LAMA2: variants seen among roughly 807,000 people sequenced by gnomAD.
The protein encoded by LAMA2 is laminin subunit alpha 2.
A neutral mutation model predicts 364.8 loss-of-function variants in LAMA2; 269 were observed. The observed-to-expected ratio is 0.74, with a 90% confidence interval of 0.67 to 0.82. LAMA2 has a LOEUF of 0.82. LAMA2 is among the 40% of genes least tolerant of loss of function. The probability of loss-of-function intolerance (pLI) is 0.00; values close to 1 mark genes in which losing one functional copy is unlikely to be tolerated. For missense variants in LAMA2, 3,807 were observed against 3,873.2 expected (o/e 0.98, Z 0.45); for synonymous variants, 1,379 against 1,370.6 (o/e 1.01, Z -0.14).
chr6:129,334,533 C>G (rs987397500), intron 29 of LAMA2, among the ~76,000 whole-genome samples: 1 of 151,992 alleles, frequency 6.6e-6, no homozygotes, highest in African/African-American at 2.4e-5. Flanking sequence ...GTCGAAGAAC[C>G]AATCAGTTGA....
intron 40 of LAMA2, among the ~76,000 whole-genome samples, chr6:129,424,118 T>C (rs2114734338): frequency 6.6e-6 from 1 of 151,966 alleles, no homozygotes; most frequent in South Asian, 2.1e-4. Context: ...ACAAAAGCAA[T>C]ACAAGGTATA....
At chr6:129,442,490 A>C (rs1782167913) in intron 43 of LAMA2, among the ~76,000 whole-genome samples, 1 of 152,168 alleles carries the variant, frequency 6.6e-6, no homozygotes, top group South Asian at 2.1e-4. Context: ...AAATATTACT[A>C]TCTCTGCTGC....
chr6:129,114,354 G>A (rs1180452663), intron 4 of LAMA2, among the ~76,000 whole-genome samples: 2 of 152,012 alleles, frequency 1.3e-5, no homozygotes, highest in Admixed American at 1.3e-4. Flanking sequence ...ACCCACAGCT[G>A]CAGAAATGAG....
At chr6:129,090,035 C>T (rs1026410491) in intron 3 of LAMA2, among the ~76,000 whole-genome samples, 1 of 152,108 alleles carries the variant, frequency 6.6e-6, no homozygotes, top group African/African-American at 2.4e-5. Flanking sequence ...AATGTTTGCT[C>T]CGTAAGAGCA....
intron 2 of LAMA2, among the ~76,000 whole-genome samples, chr6:129,051,205 A>T (rs1787979053): frequency 6.7e-6 from 1 of 148,190 alleles, no homozygotes; most frequent in Non-Finnish European, 1.5e-5. Flanking sequence ...TATATATATA[A>T]AATATATATA....
At chr6:129,029,502 C>T (rs1306944209) in intron 1 of LAMA2, among the ~76,000 whole-genome samples, 4 of 151,862 alleles carry the variant, frequency 2.6e-5, no homozygotes, top group Admixed American at 2.0e-4. Flanking sequence ...TACTTATAGT[C>T]AGATTGATTC....
intron 19 of LAMA2, among the ~76,000 whole-genome samples, chr6:129,288,311 C>A (rs1157027856): frequency 6.6e-6 from 1 of 151,736 alleles, no homozygotes; most frequent in Non-Finnish European, 1.5e-5. Flanking sequence ...TATTTACATG[C>A]GGAAGGAAGA....
chr6:129,398,664 A>C (rs755178842), intron 37 of LAMA2, among the ~76,000 whole-genome samples: 1 of 151,560 alleles, frequency 6.6e-6, no homozygotes, highest in Non-Finnish European at 1.5e-5. Flanking sequence ...AGTAGAGACG[A>C]GGTTTCACCA....
At chr6:128,970,656 T>C (rs996087988) in intron 1 of LAMA2, among the ~76,000 whole-genome samples, 1 of 152,220 alleles carries the variant, frequency 6.6e-6, no homozygotes, top group Non-Finnish European at 1.5e-5. Flanking sequence ...GAAAATTCAA[T>C]TGTGGAAAAT....
chr6:128,940,954 C>A (rs1244752260), intron 1 of LAMA2, among the ~76,000 whole-genome samples: 2 of 151,792 alleles, frequency 1.3e-5, no homozygotes, highest in Non-Finnish European at 1.5e-5. Context: ...CTGTCCCCCC[C>A]AAAATTTTTT....
chr6:129,210,708 G>A (rs1325577876), intron 12 of LAMA2, among the ~76,000 whole-genome samples: 2 of 152,134 alleles, frequency 1.3e-5, no homozygotes, highest in Non-Finnish European at 2.9e-5. Flanking sequence ...TTGGGAAGAG[G>A]TTATAATTTT....
At chr6:129,069,707 GAACT>G (rs1293936424) in intron 3 of LAMA2, among the ~76,000 whole-genome samples, 1 of 147,744 alleles carries the variant, frequency 6.8e-6, no homozygotes, top group Non-Finnish European at 1.5e-5. Context: ...TTAGTACATA[GAACT>G]AATATAATTG....
intron 4 of LAMA2, among the ~76,000 whole-genome samples, chr6:129,111,290 T>C (rs899567085): frequency 6.6e-6 from 1 of 152,048 alleles, no homozygotes; most frequent in Admixed American, 6.6e-5. Flanking sequence ...TCAATTCTGC[T>C]ACCTGGGTAG....
chr6:129,344,928 T>A (rs1776462208), intron 30 of LAMA2, among the ~76,000 whole-genome samples: 1 of 152,218 alleles, frequency 6.6e-6, no homozygotes, highest in Non-Finnish European at 1.5e-5. Flanking sequence ...AAGGCTTTAC[T>A]GCAAAATTGT....
chr6:128,897,168 G>A (rs927646997), intron 1 of LAMA2, among the ~76,000 whole-genome samples: 1 of 152,224 alleles, frequency 6.6e-6, no homozygotes, highest in Non-Finnish European at 1.5e-5. Flanking sequence ...AACCCTGAAA[G>A]AGTACAAATT....
chr6:129,169,111 G>T (rs930148244), intron 9 of LAMA2, among the ~76,000 whole-genome samples: 1 of 151,846 alleles, frequency 6.6e-6, no homozygotes, highest in Non-Finnish European at 1.5e-5. Flanking sequence ...CTGCAAACGG[G>T]GACAATTTGA....
intron 1 of LAMA2, among the ~76,000 whole-genome samples, chr6:128,982,159 A>C (rs1342126257): frequency 6.6e-6 from 1 of 152,222 alleles, no homozygotes; most frequent in Non-Finnish European, 1.5e-5. Flanking sequence ...ACTCATAGAA[A>C]TAACTGTTGA....
At chr6:129,019,653 T>A (rs556043575) in intron 1 of LAMA2, among the ~76,000 whole-genome samples, 24 of 152,290 alleles carry the variant, frequency 1.6e-4, no homozygotes, top group African/African-American at 5.5e-4. Flanking sequence ...TCCTCCAGAT[T>A]TTTTCCCCTG....
Position 129,252,190 on chromosome 6 carries a change from G to A in LAMA2, c.1991G>A (p.Gly664Asp). 1 of 1,613,570 alleles carries A rather than the reference G, an allele frequency of 6.2e-7. No homozygotes were observed. Among genetic ancestry groups the A allele is most frequent in the Admixed American group, 1.7e-5 (1 of 60,008 alleles). Residue 664 changes from glycine to aspartate, a missense_variant, in exon 14 of 65, where the codon GGC becomes GAC. Physicochemically the swap from Gly to Asp is moderately conservative, Grantham distance 94 (BLOSUM62 -1). Transcript: ENST00000421865. ...AAAGAAGAATCATTTACCATACATG[G>A]CACACATTTTCCAGTCCGTAGAAAG... ...LLKEESFTIHGTHFPVRRKEF... is the reference protein window; with the variant it reads ...LLKEESFTIHDTHFPVRRKEF...
Sources: gnomAD v4.1 joint callset for allele counts (sites outside exome capture counted in the v4.1 genomes callset) on GRCh38, gnomAD v4.1.1 for gene constraint, MANE v1.5 for transcripts, NCBI Gene and HGNC (gene_info 2026-07-23, HGNC 2026-07-21) for gene names.